Variants in EPB42 observed in about 807,000 individuals in gnomAD.
The protein encoded by EPB42 is protein 4.2.
Under a neutral mutation model 76.9 loss-of-function variants are expected in EPB42, and 49 were observed. The observed-to-expected ratio is 0.64, with a 90% CI of 0.51 to 0.81. EPB42 has a LOEUF of 0.81. EPB42 is among the 30% of genes least tolerant of loss of function. The probability of loss-of-function intolerance (pLI) is 0.00; values close to 1 mark genes in which losing one functional copy is unlikely to be tolerated. For synonymous variants in EPB42, 310 were observed against 338.4 expected, an observed-to-expected ratio of 0.92 and a Z score of 0.92; for missense variants, 731 against 867.6, an observed-to-expected ratio of 0.84 and a Z score of 1.98.
At position 43,218,646 on chromosome 15, in the gene EPB42, G is replaced by A. The variant is rs115550251; in HGVS notation, c.10+2170C>T. Among the ~76,000 whole-genome samples the A allele has an allele frequency of 2.1e-3, 321 of 152,314 alleles. 1 individual carries two copies. The highest frequency in any genetic ancestry group is 7.4e-3 in the African/African-American group (309 of 41,566). ...TAGATAGCCAATCAGTGTTTGCTCC[G>A]TCAATGAATGGATGAGAACATTGAG... On this transcript the variant is annotated intron_variant, in intron 1 of 12. Coordinates refer to ENST00000441366, the MANE Select transcript of EPB42 (RefSeq NM_001114134.2).
rs34228171 is a variant in EPB42, at chr15:43,204,964, GC to G, written c.1618+1365del. Among the ~76,000 whole-genome samples the G allele has an allele frequency of 3.2e-4, 39 of 120,920 alleles. 1 individual carries two copies. In the South Asian group the frequency reaches 4.9e-3, roughly 15 times the overall value. 79.3% of individuals were successfully genotyped at this position (120,920 alleles called of 152,430 possible). ...TCTGGCTCAGAAGGCTGCCCCCTCC[GC>G]CCCCCCCCCAAAAAAAAGTTCCCAA... is the stretch of plus-strand genomic sequence containing the variant. On this transcript the variant is annotated intron_variant, in intron 10 of 12. Coordinates refer to ENST00000441366, the MANE Select transcript of EPB42 (RefSeq NM_001114134.2).
intron 6 of EPB42, 94 bp from the exon 7 acceptor site, chr15:43,208,869 T>A: frequency 6.9e-7 from 1 of 1,439,218 alleles, no homozygotes; most frequent in Non-Finnish European, 9.4e-7. Flanking sequence ...CTCTGGGCAC[T>A]GAAAACTTGG....
chr15:43,215,452 C>A (rs1474484667), intron 2 of EPB42, 124 bp from the exon 3 acceptor site: 1 of 1,021,860 alleles, frequency 9.8e-7, no homozygotes, highest in Non-Finnish European at 1.5e-6. Context: ...GAAAGTGACC[C>A]ACCTAGAAAT....
In EPB42 at chr15:43,208,619, C is replaced by T. The variant is rs1398675271; in HGVS notation, c.971+18G>A. ...AGCCCTTCCTGGACTGGAACCTCAT[C>T]TCCCTTGGGCTTCTCACCAGATTCT... On this transcript the variant is annotated intron_variant, in intron 7 of 12. Coordinates refer to ENST00000441366, the MANE Select transcript of EPB42 (RefSeq NM_001114134.2). 1.9e-6 allele frequency: 3 copies of T among 1,614,050 alleles called. No individual in the cohort carries two copies. The highest frequency in any genetic ancestry group is 2.5e-6 in the Non-Finnish European group (3 of 1,179,956).
chr15:43,200,008 C>T (rs1398536123), intron 12 of EPB42, among the ~76,000 whole-genome samples: 1 of 152,292 alleles, frequency 6.6e-6, no homozygotes, highest in East Asian at 1.9e-4. Flanking sequence ...TTATCAGCAG[C>T]GTGAACACGA....
intron 7 of EPB42, 130 bp downstream of exon 7, chr15:43,208,507 C>T (rs956069476): frequency 1.3e-5 from 19 of 1,495,578 alleles, no homozygotes; most frequent in Admixed American, 5.0e-5. Flanking sequence ...CCATCAGCGC[C>T]GCCTCTAAGG....
upstream of EPB42, among the ~76,000 whole-genome samples, chr15:43,224,865 C>A (rs971377896): frequency 5.9e-5 from 9 of 152,206 alleles, no homozygotes; most frequent in African/African-American, 2.2e-4. Context: ...CAGCCTCAAC[C>A]CCTGGGCTCA....
intron 1 of EPB42, among the ~76,000 whole-genome samples, chr15:43,218,047 C>A (rs939776926): frequency 6.6e-6 from 1 of 152,044 alleles, no homozygotes; most frequent in African/African-American, 2.4e-5. Context: ...TCCTTGTATC[C>A]CCCTCCTCCA....
chr15:43,209,112 A>C (rs2042251834), intron 6 of EPB42, among the ~76,000 whole-genome samples, 162 bp downstream of exon 6: 2 of 152,192 alleles, frequency 1.3e-5, no homozygotes, highest in Non-Finnish European at 2.9e-5. Flanking sequence ...AAGCAGCAGA[A>C]GCTGGCGGGA....
At chr15:43,199,389 C>T (rs1008208230) in intron 12 of EPB42, among the ~76,000 whole-genome samples, 2 of 152,168 alleles carry the variant, frequency 1.3e-5, no homozygotes, top group African/African-American at 4.8e-5. Context: ...AATTTGACTG[C>T]CCTGCTGGAT....
At position 43,220,551 on chromosome 15, in the gene EPB42, C is replaced by T. The variant is rs553690986; in HGVS notation, c.10+265G>A. The stretch of plus-strand genomic sequence containing the variant: ...CTACCCCATAACCACCCCACAGCAA[C>T]ATCACCATCACCTCCGCCTCCGCCT... On this transcript the variant is annotated intron_variant, in intron 1 of 12. Transcript: ENST00000441366. Among the ~76,000 whole-genome samples, 6 of 152,124 alleles carry T rather than the reference C, an allele frequency of 3.9e-5. No homozygotes were observed. The South Asian group carries it at 8.3e-4, about 21-fold the overall frequency.
upstream of EPB42, among the ~76,000 whole-genome samples, chr15:43,222,415 A>G (rs561232134): frequency 1.3e-5 from 2 of 152,350 alleles, no homozygotes; most frequent in Admixed American, 6.5e-5. Context: ...TGCTGTCAGT[A>G]AAACACTTGG....
chr15:43,222,133 T>C (rs546116577), upstream of EPB42, among the ~76,000 whole-genome samples: 2 of 147,910 alleles, frequency 1.4e-5, no homozygotes, highest in African/African-American at 2.5e-5. Flanking sequence ...CAAGACTCCA[T>C]CTCAGAAAAA....
rs754581244 is a variant in EPB42, at chr15:43,206,280, C to T, written c.1618+50G>A. On this transcript the variant is annotated intron_variant, in intron 10 of 12. Transcript: ENST00000441366. This position sits in a 1 kb window ranked among gnomAD's most constrained non-coding sequence, Gnocchi z 4.7. ...GCTGCTGCCTGCCCAAGGCAGGGGC[C>T]ATGTGTGTGTGTGTGTCGGGGGGTG... 1 of 1,536,512 alleles carries T rather than the reference C, an allele frequency of 6.5e-7. No homozygotes were observed. Among genetic ancestry groups the T allele is most frequent in the Non-Finnish European group, 8.8e-7 (1 of 1,134,970 alleles).
chr15:43,206,192 GA>G lies in EPB42; in HGVS notation c.1618+137del. 1 of 874,186 alleles carries G rather than the reference GA, an allele frequency of 1.1e-6. No homozygotes were observed. Among genetic ancestry groups the G allele is most frequent in the Non-Finnish European group, 1.7e-6 (1 of 588,774 alleles). 54.2% of individuals were successfully genotyped at this position (874,186 alleles called of 1,614,324 possible). On this transcript the variant is annotated intron_variant, in intron 10 of 12. Coordinates refer to ENST00000441366, the MANE Select transcript of EPB42 (RefSeq NM_001114134.2). The surrounding 1 kb of genome is among the most constrained non-coding windows in gnomAD (Gnocchi z 4.7). ...ATGTGTTGAATGAATGAATGAGAGAGAACATGAGAGTGAGCAGCAGGGGCTC... is the reference window on the plus strand; with the variant it reads ...ATGTGTTGAATGAATGAATGAGAGAGACATGAGAGTGAGCAGCAGGGGCTC...
intron 3 of EPB42, among the ~76,000 whole-genome samples, chr15:43,212,423 C>G (rs1157263653): frequency 2.0e-5 from 3 of 150,694 alleles, no homozygotes; most frequent in Non-Finnish European, 4.4e-5. Flanking sequence ...TAGTCGTTCA[C>G]AGCCAGAACA....
chr15:43,224,087 A>G (rs548515931), upstream of EPB42, among the ~76,000 whole-genome samples: 87 of 152,354 alleles, frequency 5.7e-4, no homozygotes, highest in African/African-American at 2.1e-3. Context: ...ACAGATATTT[A>G]TGTTTTCACC....
At chr15:43,212,276 G>A (rs768628238) in intron 3 of EPB42, among the ~76,000 whole-genome samples, 3 of 146,064 alleles carry the variant, frequency 2.1e-5, no homozygotes, top group Non-Finnish European at 4.5e-5. Context: ...GGCTAAGGCA[G>A]AAGAATCTCT....
chr15:43,222,848 A>G (rs1010423898), upstream of EPB42, among the ~76,000 whole-genome samples: 5 of 152,252 alleles, frequency 3.3e-5, no homozygotes, highest in Non-Finnish European at 1.5e-5. Context: ...AATAAATTTC[A>G]GATGGATCAA....
Sources: gnomAD v4.1 joint callset for allele counts (sites outside exome capture counted in the v4.1 genomes callset) on GRCh38, gnomAD v4.1.1 for gene constraint, Gnocchi (gnomAD v3.1) non-coding constraint, MANE v1.5 for transcripts, NCBI Gene and HGNC (gene_info 2026-07-23, HGNC 2026-07-21) for gene names.